The following PLA2G4A variants were observed in gnomAD, a reference collection of about 807,000 sequenced individuals.
PLA2G4A encodes cytosolic phospholipase A2.
A neutral mutation model predicts 81.9 loss-of-function variants in PLA2G4A; 40 were observed. The ratio of observed to expected loss-of-function variants is 0.49; its 90% CI spans 0.38 to 0.64. The LOEUF (loss-of-function observed/expected upper bound fraction) is 0.64. PLA2G4A is among the 30% of genes least tolerant of loss of function. PLA2G4A has a pLI of 0.00. For synonymous variants in PLA2G4A, 302 were observed against 296.9 expected (o/e 1.02, Z -0.18); for missense variants, 715 against 905.1 (o/e 0.79, Z 2.69).
intron 5 of PLA2G4A, among the ~76,000 whole-genome samples, chr1:186,899,624 T>C (rs1654467156): frequency 6.6e-6 from 1 of 152,048 alleles, no homozygotes. Context: ...AGAGCAGAAA[T>C]GTGAGATGTA....
At chr1:186,874,342 A>T (rs191541495) in intron 3 of PLA2G4A, among the ~76,000 whole-genome samples, 35 of 149,278 alleles carry the variant, frequency 2.3e-4, no homozygotes, top group Non-Finnish European at 1.0e-4. Flanking sequence ...GCTGACACAA[A>T]TGCAATAGCT....
At chr1:186,987,554 G>A (rs1176093778) in intron 17 of PLA2G4A, among the ~76,000 whole-genome samples, 1 of 152,180 alleles carries the variant, frequency 6.6e-6, no homozygotes, top group Non-Finnish European at 1.5e-5. Context: ...ATTTTAACAA[G>A]GTTCTGAAGC....
chr1:186,892,834 T>C (rs1056766076), intron 3 of PLA2G4A, among the ~76,000 whole-genome samples, 177 bp from the exon 4 acceptor site: 1 of 152,230 alleles, frequency 6.6e-6, no homozygotes, highest in Admixed American at 6.5e-5. Context: ...CAGCGACATA[T>C]GTAAAAAGTA....
intron 7 of PLA2G4A, 141 bp downstream of exon 7, chr1:186,911,530 G>A (rs1372406936): frequency 2.8e-6 from 2 of 702,802 alleles, no homozygotes; most frequent in Non-Finnish European, 5.1e-6. Context: ...TAAGTGATTT[G>A]TAAATGAAAA....
intron 6 of PLA2G4A, among the ~76,000 whole-genome samples, chr1:186,907,981 T>C (rs749472648): frequency 3.3e-5 from 5 of 152,214 alleles, no homozygotes; most frequent in Non-Finnish European, 5.9e-5. Context: ...GTAATGCTTT[T>C]GTTTAGCGGG....
At chr1:186,923,501 G>A (rs1197037659) in intron 7 of PLA2G4A, among the ~76,000 whole-genome samples, 1 of 152,192 alleles carries the variant, frequency 6.6e-6, no homozygotes, top group Non-Finnish European at 1.5e-5. Flanking sequence ...AGCTGAGATG[G>A]CTAGCCCTGA....
chr1:186,946,234 TA>T (rs1436414686), intron 10 of PLA2G4A, among the ~76,000 whole-genome samples: 1 of 152,172 alleles, frequency 6.6e-6, no homozygotes, highest in African/African-American at 2.4e-5. Flanking sequence ...GAAAACATTT[TA>T]TTTCATTTTA....
intron 13 of PLA2G4A, among the ~76,000 whole-genome samples, chr1:186,951,821 C>T (rs1390319917): frequency 6.6e-6 from 1 of 152,086 alleles, no homozygotes; most frequent in Non-Finnish European, 1.5e-5. Flanking sequence ...GGATTCCTTC[C>T]CTGGGCAGCC....
intron 2 of PLA2G4A, among the ~76,000 whole-genome samples, chr1:186,855,933 G>T (rs945119398): frequency 6.6e-6 from 1 of 151,904 alleles, no homozygotes; most frequent in African/African-American, 2.4e-5. Flanking sequence ...AATTTCTGTA[G>T]CTTTAAAATA....
chr1:186,890,058 T>C (rs1289000440), intron 3 of PLA2G4A, among the ~76,000 whole-genome samples: 2 of 152,176 alleles, frequency 1.3e-5, no homozygotes, highest in African/African-American at 4.8e-5. Context: ...TATAGCGCGA[T>C]TGTGAGATTT....
chr1:186,892,882 C>A, intron 3 of PLA2G4A, 129 bp from the exon 4 acceptor site: 1 of 718,412 alleles, frequency 1.4e-6, no homozygotes. Flanking sequence ...TGTATATTAT[C>A]TTGTCTCAGA....
chr1:186,938,702 A>G (rs1656040294), intron 8 of PLA2G4A, among the ~76,000 whole-genome samples: 1 of 152,130 alleles, frequency 6.6e-6, no homozygotes, highest in East Asian at 1.9e-4. Context: ...TAATACTCTG[A>G]TAGAGATACT....
At chr1:186,957,701 A>G (rs1162113778) in intron 14 of PLA2G4A, among the ~76,000 whole-genome samples, 2 of 152,204 alleles carry the variant, frequency 1.3e-5, no homozygotes, top group African/African-American at 4.8e-5. Flanking sequence ...CCCAGCAAGA[A>G]CCTTGTCACT....
chr1:186,859,934 G>A (rs1225203018), intron 2 of PLA2G4A, among the ~76,000 whole-genome samples: 1 of 152,044 alleles, frequency 6.6e-6, no homozygotes, highest in Admixed American at 6.6e-5. Flanking sequence ...AATGAAATAA[G>A]ATATTTTTAG....
intron 3 of PLA2G4A, among the ~76,000 whole-genome samples, chr1:186,871,905 G>T (rs1653286180): frequency 6.6e-6 from 1 of 151,920 alleles, no homozygotes; most frequent in South Asian, 2.1e-4. Context: ...CTGTTGAAAT[G>T]GCAATGAAAA....
At chr1:186,946,986 G>C (rs751126325) in intron 12 of PLA2G4A, 25 bp downstream of exon 12, 3 of 1,230,198 alleles carry the variant, frequency 2.4e-6, no homozygotes, top group Non-Finnish European at 3.6e-6. Context: ...TGCTTACATT[G>C]ATACAAATCT....
chr1:186,835,226 G>A (rs1211934128), intron 1 of PLA2G4A, among the ~76,000 whole-genome samples: 1 of 152,164 alleles, frequency 6.6e-6, no homozygotes, highest in African/African-American at 2.4e-5. Context: ...TACACAGGCA[G>A]TAAACTGGGA....
chr1:186,972,297 A>G (rs578027603), intron 15 of PLA2G4A, among the ~76,000 whole-genome samples: 1 of 152,214 alleles, frequency 6.6e-6, no homozygotes, highest in East Asian at 1.9e-4. Context: ...TTTGTTAACC[A>G]TTTAATATCT....
intron 5 of PLA2G4A, among the ~76,000 whole-genome samples, chr1:186,902,692 C>T: frequency 6.6e-6 from 1 of 151,922 alleles, no homozygotes; most frequent in Non-Finnish European, 1.5e-5. Flanking sequence ...GTCTCCGGAG[C>T]TCCCCACTGA....
Sources: gnomAD v4.1 joint callset for allele counts (sites outside exome capture counted in the v4.1 genomes callset) on GRCh38, gnomAD v4.1.1 for gene constraint, MANE v1.5 for transcripts, NCBI Gene and HGNC (gene_info 2026-07-23, HGNC 2026-07-21) for gene names.